RMDN3: variants seen among roughly 807,000 people sequenced by gnomAD.
The protein encoded by RMDN3 is regulator of microtubule dynamics 3.
Under a neutral mutation model 61.8 loss-of-function variants are expected in RMDN3, and 41 were observed. The observed-to-expected ratio is 0.66, with a 90% confidence interval of 0.52 to 0.86. The LOEUF (loss-of-function observed/expected upper bound fraction) is 0.86, where lower values mean the gene tolerates loss of function less well. RMDN3 is among the 40% of genes least tolerant of loss of function. RMDN3 has a pLI of 0.00. For synonymous variants in RMDN3, 247 were observed against 232.0 expected, an observed-to-expected ratio of 1.06 and a Z score of -0.59; for missense variants, 557 against 585.3, an observed-to-expected ratio of 0.95 and a Z score of 0.50.
At chr15:40,741,396 G>A (rs1052865522) in intron 6 of RMDN3, among the ~76,000 whole-genome samples, 26 of 151,964 alleles carry the variant, frequency 1.7e-4, no homozygotes, top group Non-Finnish European at 1.2e-4. Flanking sequence ...ATTAGCTCTA[G>A]GCCAAAACTC....
At chr15:40,740,631 G>A (rs1213847987) in intron 6 of RMDN3, among the ~76,000 whole-genome samples, 3 of 151,640 alleles carry the variant, frequency 2.0e-5, no homozygotes, top group Non-Finnish European at 4.4e-5. Context: ...AGGTGACAGA[G>A]CAAGACTGTC....
intron 6 of RMDN3, 41 bp from the exon 7 acceptor site, chr15:40,740,234 T>C (rs776110242): frequency 1.1e-5 from 15 of 1,344,580 alleles, no homozygotes; most frequent in South Asian, 6.0e-5. Context: ...ATAGCTCTTA[T>C]GCACACTTTC....
Position 40,754,623 on chromosome 15 carries a change from G to T in RMDN3, c.161C>A (p.Thr54Lys). ...GTGGCGTCCGGGATCTGAAGTCTGC[G>T]TATAGTCCAGGGAGTTGGGCAGGCT... The part of the protein sequence containing the change: ...SQSLPNSLDY[T>K]QTSDPGRHVM... The change falls in exon 2 of 13, where the codon ACG (threonine) becomes AAG (lysine). Residue 54 changes from threonine to lysine, a missense_variant. Transcript: ENST00000338376. The T allele has an allele frequency of 6.2e-7, 1 of 1,613,712 alleles. No individual in the cohort carries two copies. Among genetic ancestry groups the T allele is most frequent in the Non-Finnish European group, 8.5e-7 (1 of 1,179,780 alleles).
chr15:40,754,179 G>A (rs1468752393), intron 2 of RMDN3, among the ~76,000 whole-genome samples: 1 of 141,274 alleles, frequency 7.1e-6, no homozygotes, highest in Non-Finnish European at 1.5e-5. Context: ...CACCCAGGCT[G>A]GAGTGCAGTG....
Position 40,750,220 on chromosome 15 carries a change from T to G in RMDN3, c.524+1206A>C, listed in dbSNP as rs9672247. On this transcript the variant is annotated intron_variant, in intron 4 of 12. Coordinates refer to ENST00000338376, the MANE Select transcript of RMDN3 (RefSeq NM_018145.3). ...CACCATGCCCAGCTCGTTTTTTTTT[T>G]TTTTTTTTTTTTTCTTTGAGATGGA... Among the ~76,000 whole-genome samples, 92 of 143,340 alleles carry G rather than the reference T, an allele frequency of 6.4e-4. 1 individual carries two copies. The highest frequency in any genetic ancestry group is 2.1e-3 in the African/African-American group (77 of 36,734). The allele number at this position is 143,340 out of a possible 152,430, so 94.0% of individuals were successfully genotyped here. A position where few individuals can be genotyped will look rare whatever the true frequency, so the allele number is the denominator to read the frequency against.
intron 5 of RMDN3, 151 bp from the exon 6 acceptor site, chr15:40,744,300 C>T (rs1024169163): frequency 1.5e-6 from 1 of 646,802 alleles, no homozygotes; most frequent in African/African-American, 1.8e-5. Flanking sequence ...AGCCTTCCCC[C>T]CAGTCATCCC....
In RMDN3 at chr15:40,737,609, C is replaced by T. The variant is rs1291612791; in HGVS notation, c.1224+19G>A. 1.2e-6 allele frequency: 2 copies of T among 1,600,478 alleles called. No homozygotes were observed. Among genetic ancestry groups the T allele is most frequent in the East Asian group, 2.2e-5 (1 of 44,842 alleles). ...AAGGTTACCCTGGTGTTTTTGCCTG[C>T]CACCTGCCCCTCTCATACCTTTAGG... is the stretch of plus-strand genomic sequence containing the variant. On this transcript the variant is annotated intron_variant, in intron 10 of 12. Transcript: ENST00000338376.
intron 7 of RMDN3, 122 bp from the exon 8 acceptor site, chr15:40,738,698 A>C: frequency 1.1e-6 from 1 of 898,306 alleles, no homozygotes; most frequent in Non-Finnish European, 1.8e-6. Context: ...AGAGCTGAAA[A>C]TACCTAATTT....
At chr15:40,747,353 CACAA>C (rs1320844346) in intron 4 of RMDN3, among the ~76,000 whole-genome samples, 3 of 152,204 alleles carry the variant, frequency 2.0e-5, no homozygotes, top group Non-Finnish European at 4.4e-5. Flanking sequence ...GCCTTGCTGC[CACAA>C]ACAGAGTGAA....
intron 4 of RMDN3, among the ~76,000 whole-genome samples, chr15:40,746,516 CAAA>C (rs756574720): frequency 4.7e-5 from 4 of 85,790 alleles, no homozygotes; most frequent in Admixed American, 1.3e-4. Context: ...GACTCCGTCT[CAAA>C]AAAAAAAAAA....
Sources: gnomAD v4.1 joint callset for allele counts (sites outside exome capture counted in the v4.1 genomes callset) on GRCh38, gnomAD v4.1.1 for gene constraint, MANE v1.5 for transcripts, NCBI Gene and HGNC (gene_info 2026-07-23, HGNC 2026-07-21) for gene names.